Variants in TULP1 observed in about 807,000 individuals in gnomAD.
TULP1 encodes the protein tubby-related protein 1.
In TULP1, 50 loss-of-function variants were observed where a neutral mutation model predicts 67.1. The ratio of observed to expected loss-of-function variants is 0.75; its 90% CI spans 0.59 to 0.94. The LOEUF (loss-of-function observed/expected upper bound fraction) is 0.94, where lower values mean the gene tolerates loss of function less well. TULP1 is among the 40% of genes least tolerant of loss of function. The pLI, the probability that TULP1 is intolerant of heterozygous loss-of-function variation, is 0.00. For synonymous variants in TULP1, 297 were observed against 294.0 expected (o/e 1.01, Z -0.11); for missense variants, 746 against 734.1 (o/e 1.02, Z -0.19).
In TULP1 at chr6:35,512,834, G is replaced by C; in HGVS notation, c.25C>G (p.Arg9Gly). 1 of 1,611,488 alleles carries C rather than the reference G, an allele frequency of 6.2e-7. No homozygotes were observed. The highest frequency in any genetic ancestry group is 8.5e-7 in the Non-Finnish European group (1 of 1,179,258). The change falls in exon 1 of 15, where the codon CGA becomes GGA. Residue 9 changes from arginine (R) to glycine (G), a missense_variant. Physicochemically the swap from Arg to Gly is moderately radical, Grantham distance 125. Coordinates refer to ENST00000229771, the MANE Select transcript of TULP1 (RefSeq NM_003322.6). ...GACCTGTCAGAGGCCCACACCTCTC[G>C]GAGGGTTTCATCCCGCAGAGGCATG... is the stretch of plus-strand genomic sequence containing the variant. MPLRDETL[R>G]EVWASDSGHE...
chr6:35,505,735 C>T lies in TULP1; in HGVS notation c.1112+6G>A. On this transcript the variant is annotated splice_donor_region_variant and intron_variant, in intron 11 of 14. Transcript: ENST00000229771. ...GTCCCCCCAGCCCCAGGAAGCCCAG[C>T]CCCACCTCAGCTTCCCGATGAAATT... The T allele has an allele frequency of 6.2e-7, 1 of 1,614,060 alleles. No individual in the cohort carries two copies. Among genetic ancestry groups the T allele is most frequent in the Non-Finnish European group, 8.5e-7 (1 of 1,179,992 alleles).
At chr6:35,508,664 C>T (rs1356222208) in intron 8 of TULP1, among the ~76,000 whole-genome samples, 2 of 152,126 alleles carry the variant, frequency 1.3e-5, no homozygotes, top group Admixed American at 6.5e-5. Flanking sequence ...ACAACCTGTT[C>T]GCCATGGAGA....
chr6:35,512,632 G>A lies in TULP1; in HGVS notation c.99+7C>T, dbSNP rs777670522. ...TTTCTGCTTCCTTTCCAAGTGGGGT[G>A]GCATACCTGTTTGGGGCGCCGCGGG... On this transcript the variant is annotated splice_region_variant and intron_variant, in intron 2 of 14. Coordinates refer to ENST00000229771, the MANE Select transcript of TULP1 (RefSeq NM_003322.6). The A allele has an allele frequency of 6.2e-7, 1 of 1,613,984 alleles. No individual in the cohort carries two copies. The highest frequency in any genetic ancestry group is 1.7e-5 in the Admixed American group (1 of 60,016).
chr6:35,505,694 C>T (rs1177142004), intron 11 of TULP1, 47 bp downstream of exon 11: 2 of 1,609,024 alleles, frequency 1.2e-6, no homozygotes, highest in Non-Finnish European at 1.7e-6. Flanking sequence ...CGGGCTATGG[C>T]CTTTTGCTGA....
At position 35,505,814 on chromosome 6, in the gene TULP1, T is replaced by A; in HGVS notation, c.1039A>T (p.Thr347Ser). 6.2e-7 allele frequency: 1 copy of A among 1,614,172 alleles called. No homozygotes were observed. Residue 347 changes from threonine to serine, a missense_variant, in exon 11 of 15, where the codon ACA (threonine) becomes TCA (serine). Coordinates refer to ENST00000229771, the MANE Select transcript of TULP1 (RefSeq NM_003322.6). ...TCGATGGAGATGAGGTAATTGGCTG[T>A]CTTGCTCCGTTTTCGTTTCCTGCCA... ...LAGRKRKRSK[T>S]ANYLISIDPT...
chr6:35,510,658 A>C, intron 5 of TULP1: 1 of 1,088,482 alleles, frequency 9.2e-7, no homozygotes, highest in Non-Finnish European at 1.3e-6. Flanking sequence ...GGGCAGGGGC[A>C]GTGGGGCCAG....
At chr6:35,512,310 G>C (rs762981379) in intron 2 of TULP1, 40 bp from the exon 3 acceptor site, 5 of 1,091,096 alleles carry the variant, frequency 4.6e-6, no homozygotes, top group African/African-American at 1.6e-5. Flanking sequence ...GGAAGGAAAG[G>C]GGGGCGCTGA....
At chr6:35,508,665 G>A (rs2064319) in intron 8 of TULP1, among the ~76,000 whole-genome samples, 58,403 of 151,982 alleles carry the variant, frequency 0.38, 11,417 homozygotes, top group East Asian at 0.52. Context: ...CAACCTGTTC[G>A]CCATGGAGAT....
chr6:35,511,617 C>T, intron 4 of TULP1, 31 bp downstream of exon 4: 1 of 1,582,478 alleles, frequency 6.3e-7, no homozygotes, highest in East Asian at 2.3e-5. Context: ...TCCACCGCCC[C>T]CTCACCCGCG....
At position 35,498,522 on chromosome 6, in the gene TULP1, C is replaced by G; in HGVS notation, c.1496-62G>C. ...CTCCTTGGACCCCCATCCTGGCAGA[C>G]AGTGCCCTCAACCTTGGGGGCAGTC... On this transcript the variant is annotated intron_variant, in intron 14 of 14. Transcript: ENST00000229771. The surrounding 1 kb of genome is among the most constrained non-coding windows in gnomAD (Gnocchi z 6.7). 6.2e-7 allele frequency: 1 copy of G among 1,609,180 alleles called. No individual in the cohort carries two copies. The highest frequency in any genetic ancestry group is 8.5e-7 in the Non-Finnish European group (1 of 1,178,504).
rs749882966 is a variant in TULP1, at chr6:35,510,883, C to G, written c.477G>C (p.Arg159Ser). The G allele has an allele frequency of 1.9e-5, 30 of 1,614,002 alleles. No homozygotes were observed. Among genetic ancestry groups the G allele is most frequent in the Non-Finnish European group, 2.5e-5 (29 of 1,180,032 alleles). The change falls in exon 5 of 15, where the codon AGG becomes AGC. Residue 159 changes from arginine (R) to serine (S), a missense_variant. Around this residue, in one of 3 missense-constraint regions of TULP1, gnomAD observed 359 missense variants for 341.9 expected, o/e 1.05. Transcript: ENST00000229771. Reference sequence around the variant, plus strand: ...CACCCCTTGGGCCCTGGGCCTTGGCCCTCCTCTCCTTCAGGTCTGCGGAGC... The same window carrying G: ...CACCCCTTGGGCCCTGGGCCTTGGCGCTCCTCTCCTTCAGGTCTGCGGAGC... ...EKSSADLKERRAKAQGPRGDL... is the reference protein window; with the variant it reads ...EKSSADLKERSAKAQGPRGDL...
chr6:35,509,089 G>T lies in TULP1; in HGVS notation c.822+120C>A, dbSNP rs183909549. Reference sequence around the variant, plus strand: ...TTTGTCCTTATATCCTGTCACAAGAGGGGGAGCCAAGGTTCTAACCTCAAG... The same window carrying T: ...TTTGTCCTTATATCCTGTCACAAGATGGGGAGCCAAGGTTCTAACCTCAAG... On this transcript the variant is annotated intron_variant, in intron 8 of 14. Coordinates refer to ENST00000229771, the MANE Select transcript of TULP1 (RefSeq NM_003322.6). 2.6e-5 allele frequency: 23 copies of T among 873,606 alleles called. No homozygotes were observed. In the East Asian group the frequency reaches 4.1e-4, roughly 16 times the overall value. 54.1% of individuals were successfully genotyped at this position (873,606 alleles called of 1,614,324 possible). A position where few individuals can be genotyped will look rare whatever the true frequency, so the allele number is the denominator to read the frequency against.
intron 11 of TULP1, among the ~76,000 whole-genome samples, chr6:35,504,808 C>T (rs56060039): frequency 0.064 from 9,782 of 151,708 alleles, 436 homozygotes; most frequent in Admixed American, 0.12. Flanking sequence ...CCTTGTGATC[C>T]GCCCGCCTCA....
intron 4 of TULP1, 75 bp downstream of exon 4, chr6:35,511,573 C>T (rs1291037137): frequency 4.5e-6 from 7 of 1,550,496 alleles, no homozygotes; most frequent in South Asian, 3.6e-5. Flanking sequence ...CTCTCTGGGC[C>T]GTTCCCGTCC....
chr6:35,510,791 G>C lies in TULP1; in HGVS notation c.499+70C>G, dbSNP rs1761180585. ...GGCCTCAATCGCTGTGTCTCAGTGA[G>C]ACGCCAAGCCCTCCAAGGACAGGGC... On this transcript the variant is annotated intron_variant, in intron 5 of 14. Coordinates refer to ENST00000229771, the MANE Select transcript of TULP1 (RefSeq NM_003322.6). The C allele has an allele frequency of 3.1e-6, 5 of 1,607,990 alleles. No individual in the cohort carries two copies. In the South Asian group the frequency reaches 5.5e-5, roughly 18 times the overall value.
intron 5 of TULP1, chr6:35,510,586 C>T: frequency 1.7e-6 from 1 of 578,228 alleles, no homozygotes; most frequent in Non-Finnish European, 2.9e-6. Flanking sequence ...AAAACAAAAA[C>T]TAAACAAAAA....
At chr6:35,509,496 G>T in intron 7 of TULP1, 138 bp downstream of exon 7, 1 of 1,076,028 alleles carries the variant, frequency 9.3e-7, no homozygotes, top group Non-Finnish European at 1.4e-6. Flanking sequence ...CGGGGGTCAA[G>T]ATGCCCTGCA....
At position 35,503,430 on chromosome 6, in the gene TULP1, C is replaced by T. The variant is rs1292626139; in HGVS notation, c.1323+129G>A. The T allele has an allele frequency of 1.9e-5, 18 of 960,864 alleles. No individual in the cohort carries two copies. In the South Asian group the frequency reaches 2.1e-4, roughly 11 times the overall value. The allele number at this position is 960,864 out of a possible 1,614,324, so 59.5% of individuals were successfully genotyped here. ...ATTACAAAAAGCCCAAGTCCATTCC[C>T]TAGGTGGCCAGAATGAATTTGTGTT... On this transcript the variant is annotated intron_variant, in intron 13 of 14. Coordinates refer to ENST00000229771, the MANE Select transcript of TULP1 (RefSeq NM_003322.6). This position sits in a 1 kb window ranked among gnomAD's most constrained non-coding sequence, Gnocchi z 4.0.
rs532025660 is a variant in TULP1 at position 35,509,581 on chromosome 6, C to T, written c.718+53G>A. 3.9e-5 allele frequency: 61 copies of T among 1,571,520 alleles called. No homozygotes were observed. The African/African-American group carries it at 4.2e-4, about 11-fold the overall frequency. The stretch of plus-strand genomic sequence containing the variant: ...ATGCTGTAAGGACCCTCTAGCTCCC[C>T]GCCCCCAGGACCACCTCAAGATGTC... On this transcript the variant is annotated intron_variant, in intron 7 of 14. Transcript: ENST00000229771.
Sources: allele counts gnomAD v4.1 joint callset (sites outside exome capture counted in the v4.1 genomes callset), GRCh38; gene constraint gnomAD v4.1.1; regional missense constraint gnomAD v4.1.1; non-coding constraint Gnocchi (gnomAD v3.1); transcripts MANE v1.5; gene names NCBI Gene and HGNC (gene_info 2026-07-23, HGNC 2026-07-21).